Variants in CTNNA2 observed in about 807,000 individuals in gnomAD.
The protein encoded by CTNNA2 is catenin alpha 2.
In CTNNA2, 42 loss-of-function variants were observed where a neutral mutation model predicts 101.0. The ratio of observed to expected loss-of-function variants is 0.42; its 90% CI spans 0.32 to 0.54. The LOEUF (loss-of-function observed/expected upper bound fraction) is 0.54. Ranked by LOEUF, CTNNA2 falls within the 20% of genes least tolerant of loss-of-function variation. CTNNA2 has a pLI of 0.14. For missense variants in CTNNA2, 871 were observed against 1,223.1 expected (o/e 0.71, Z 4.29); for synonymous variants, 450 against 456.4 (o/e 0.99, Z 0.18).
intron 9 of CTNNA2, among the ~76,000 whole-genome samples, chr2:80,511,185 C>A (rs920766432): frequency 6.6e-6 from 1 of 152,070 alleles, no homozygotes; most frequent in Non-Finnish European, 1.5e-5. Context: ...TATGTGAATC[C>A]TCAGTATGCA....
intron 7 of CTNNA2, among the ~76,000 whole-genome samples, chr2:80,081,807 T>C (rs767737847): frequency 6.6e-6 from 1 of 150,522 alleles, no homozygotes; most frequent in Non-Finnish European, 1.5e-5. Context: ...CTATCTCCTC[T>C]CTCATCTTTG....
At position 80,303,367 on chromosome 2, in the gene CTNNA2, C is replaced by G; in HGVS notation, c.1057-89844C>G. 1 of 1,614,108 alleles carries G rather than the reference C, an allele frequency of 6.2e-7. No individual in the cohort carries two copies. The highest frequency in any genetic ancestry group is 8.5e-7 in the Non-Finnish European group (1 of 1,180,034). Reference sequence around the variant, plus strand: ...GCCCGTGGAAGAGGTCGGGCGCGAGCGCCTGCAGCTTGTTGTACGAGAGGT... The same window carrying G: ...GCCCGTGGAAGAGGTCGGGCGCGAGGGCCTGCAGCTTGTTGTACGAGAGGT... On this transcript the variant is annotated intron_variant, in intron 7 of 18. Coordinates refer to ENST00000402739, the MANE Select transcript of CTNNA2 (RefSeq NM_001282597.3). The surrounding 1 kb of genome is among the most constrained non-coding windows in gnomAD (Gnocchi z 7.7).
At chr2:80,072,696 A>G (rs1698420709) in intron 7 of CTNNA2, among the ~76,000 whole-genome samples, 1 of 152,116 alleles carries the variant, frequency 6.6e-6, no homozygotes, top group African/African-American at 2.4e-5. Context: ...AACTAAAACC[A>G]CATGTCATCA....
intron 2 of CTNNA2, among the ~76,000 whole-genome samples, chr2:79,716,767 C>A (rs536556673): frequency 7.2e-5 from 11 of 151,856 alleles, no homozygotes; most frequent in Non-Finnish European, 1.3e-4. Flanking sequence ...GAAGACTTAG[C>A]CAATAGTTGC....
chr2:80,098,293 T>A lies in CTNNA2; in HGVS notation c.1056+188496T>A, dbSNP rs957938084. 3.9e-5 allele frequency among the ~76,000 whole-genome samples: 6 copies of A among 152,216 alleles called. 1 individual carries two copies. The highest frequency in any genetic ancestry group is 3.9e-4 in the Admixed American group (6 of 15,282). ...CCACTCCAGACCCTGTTTGCCTGGG[T>A]ATCAGCAGCGGTGGCTGCAGAACAG... On this transcript the variant is annotated intron_variant, in intron 7 of 18. Coordinates refer to ENST00000402739, the MANE Select transcript of CTNNA2 (RefSeq NM_001282597.3).
chr2:79,917,456 T>C lies in CTNNA2; in HGVS notation c.1056+7659T>C, dbSNP rs13414250. Among the ~76,000 whole-genome samples the C allele has an allele frequency of 5.4e-3, 819 of 152,310 alleles. 10 individuals carry two copies. The highest frequency in any genetic ancestry group is 0.018 in the African/African-American group (762 of 41,560). ...ATCCTTTCTCTGAGGTGAAAAACTA[T>C]CCTTTGAATCTACTCCTCAAAAGAA... On this transcript the variant is annotated intron_variant, in intron 7 of 18. Transcript: ENST00000402739.
At chr2:79,922,079 A>G (rs13392766) in intron 7 of CTNNA2, among the ~76,000 whole-genome samples, 28,531 of 152,144 alleles carry the variant, frequency 0.19, 2,894 homozygotes, top group East Asian at 0.27. Flanking sequence ...GACGTAATCA[A>G]CACTGGATTC....
chr2:80,028,840 GA>G (rs1302353962), intron 7 of CTNNA2, among the ~76,000 whole-genome samples: 1 of 152,178 alleles, frequency 6.6e-6, no homozygotes, highest in East Asian at 1.9e-4. Flanking sequence ...AAAAGATAAG[GA>G]AATAGATTTC....
intron 7 of CTNNA2, among the ~76,000 whole-genome samples, chr2:79,920,236 A>T (rs1342411291): frequency 1.3e-5 from 2 of 152,086 alleles, no homozygotes; most frequent in Non-Finnish European, 2.9e-5. Context: ...AAAAACAAAA[A>T]CAAGTGTTCT....
At chr2:80,279,335 T>C (rs1325927469) in intron 7 of CTNNA2, among the ~76,000 whole-genome samples, 1 of 152,110 alleles carries the variant, frequency 6.6e-6, no homozygotes, top group Admixed American at 6.6e-5. Flanking sequence ...CTTTCATTTG[T>C]TCCTTTATGG....
intron 2 of CTNNA2, among the ~76,000 whole-genome samples, chr2:79,218,688 G>A (rs1432588541): frequency 6.6e-6 from 1 of 152,088 alleles, no homozygotes; most frequent in African/African-American, 2.4e-5. Context: ...GACCACCATC[G>A]CAGGCCTGAG....
At chr2:79,436,911 G>A (rs982966970) in intron 4 of CTNNA2, among the ~76,000 whole-genome samples, 7 of 151,904 alleles carry the variant, frequency 4.6e-5, no homozygotes, top group African/African-American at 1.2e-4. Flanking sequence ...GATTACAGGC[G>A]TGAGCCACCA....
At chr2:80,462,162 A>G (rs1332756594) in intron 9 of CTNNA2, among the ~76,000 whole-genome samples, 2 of 152,216 alleles carry the variant, frequency 1.3e-5, no homozygotes, top group Non-Finnish European at 2.9e-5. Flanking sequence ...TGGCATTATG[A>G]TAACAACCTC....
intron 9 of CTNNA2, among the ~76,000 whole-genome samples, chr2:80,511,584 T>A (rs1688705000): frequency 6.6e-6 from 1 of 152,166 alleles, no homozygotes; most frequent in Admixed American, 6.5e-5. Flanking sequence ...TATATCATTG[T>A]CAAAATCCTT....
At chr2:80,267,048 A>C (rs1197535102) in intron 7 of CTNNA2, among the ~76,000 whole-genome samples, 7 of 152,212 alleles carry the variant, frequency 4.6e-5, no homozygotes, top group Non-Finnish European at 1.0e-4. Flanking sequence ...GAAGAACCCC[A>C]GCTGAAAAAC....
At chr2:80,145,076 T>C (rs756053169) in intron 7 of CTNNA2, among the ~76,000 whole-genome samples, 2 of 152,178 alleles carry the variant, frequency 1.3e-5, no homozygotes, top group African/African-American at 2.4e-5. Flanking sequence ...CTAGAAGCTA[T>C]GGATACAGAA....
chr2:79,408,520 G>T (rs1205124274), intron 4 of CTNNA2, among the ~76,000 whole-genome samples: 3 of 144,510 alleles, frequency 2.1e-5, no homozygotes, highest in African/African-American at 7.8e-5. Flanking sequence ...TGCTCTCATT[G>T]TTCAATTCCC....
At chr2:80,181,582 C>T (rs1195393121) in intron 7 of CTNNA2, among the ~76,000 whole-genome samples, 1 of 152,162 alleles carries the variant, frequency 6.6e-6, no homozygotes, top group Non-Finnish European at 1.5e-5. Context: ...GGAGATAAGA[C>T]TCAGGGTAAT....
intron 9 of CTNNA2, among the ~76,000 whole-genome samples, chr2:80,436,398 G>A (rs1186674821): frequency 3.3e-5 from 5 of 151,518 alleles, no homozygotes; most frequent in Admixed American, 6.6e-5. Flanking sequence ...GTGAAGCTCT[G>A]GCATAAGAAA....
Sources: allele counts gnomAD v4.1 joint callset (sites outside exome capture counted in the v4.1 genomes callset), GRCh38; gene constraint gnomAD v4.1.1; non-coding constraint Gnocchi (gnomAD v3.1); transcripts MANE v1.5; gene names NCBI Gene and HGNC (gene_info 2026-07-23, HGNC 2026-07-21).